The following ARMH3 variants were observed in gnomAD, a reference collection of about 807,000 sequenced individuals.
ARMH3 encodes armadillo like helical domain containing 3.
Under a neutral mutation model 99.1 loss-of-function variants are expected in ARMH3, and 60 were observed. The ratio of observed to expected loss-of-function variants is 0.61; its 90% CI spans 0.49 to 0.75. The LOEUF (loss-of-function observed/expected upper bound fraction) is 0.75, where lower values mean the gene tolerates loss of function less well. Among genes scored for constraint, ARMH3 ranks in the 30% least tolerant of loss-of-function variants. The probability of loss-of-function intolerance (pLI) is 0.00; values close to 1 mark genes in which losing one functional copy is unlikely to be tolerated. For missense variants in ARMH3, 679 were observed against 843.1 expected, an observed-to-expected ratio of 0.81 and a Z score of 2.41; for synonymous variants, 285 against 292.8, an observed-to-expected ratio of 0.97 and a Z score of 0.27.
rs555460219 is a variant in ARMH3, at chr10:101,941,872, T to G, written c.1706-1934A>C. On this transcript the variant is annotated intron_variant, in intron 22 of 25. Transcript: ENST00000370033. ...TATTATTATACCTCAATTGTGAAAT[T>G]TATTTAGATGCATTGGTTTTTCACC... 5.3e-5 allele frequency among the ~76,000 whole-genome samples: 8 copies of G among 152,330 alleles called. No individual in the cohort carries two copies. The South Asian group carries it at 1.7e-3, about 32-fold the overall frequency.
chr10:101,889,310 C>T lies in ARMH3; in HGVS notation c.1860+102G>A, dbSNP rs958476835. ...CCTCTCAGCAGCCTGGCCCTGGTCA[C>T]TACCACAAAAGCTCAGTCACAGAAT... On this transcript the variant is annotated intron_variant, in intron 24 of 25. Transcript: ENST00000370033. 13 of 1,186,050 alleles carry T rather than the reference C, an allele frequency of 1.1e-5. No homozygotes were observed. The Admixed American group carries it at 2.0e-4, about 18-fold the overall frequency. The allele number at this position is 1,186,050 out of a possible 1,614,324, so 73.5% of individuals were successfully genotyped here. A position where few individuals can be genotyped will look rare whatever the true frequency, so the allele number is the denominator to read the frequency against.
chr10:102,023,119 G>A (rs1022728649), intron 8 of ARMH3, among the ~76,000 whole-genome samples: 23 of 151,732 alleles, frequency 1.5e-4, no homozygotes, highest in Non-Finnish European at 1.9e-4. Context: ...GCCGGGAGGC[G>A]GAGGTTACAG....
chr10:101,942,910 A>T (rs1286907312), intron 22 of ARMH3, among the ~76,000 whole-genome samples: 1 of 152,096 alleles, frequency 6.6e-6, no homozygotes, highest in Non-Finnish European at 1.5e-5. Flanking sequence ...GCCAAGATGC[A>T]GTAACTTACC....
chr10:101,916,893 CA>C (rs1483303134), intron 23 of ARMH3, among the ~76,000 whole-genome samples: 2 of 152,176 alleles, frequency 1.3e-5, no homozygotes, highest in Admixed American at 6.5e-5. Flanking sequence ...CCTTAGACAT[CA>C]GACATCAGGA....
In ARMH3 at chr10:102,025,970, ATAACACTTG is replaced by A. The variant is rs939973871; in HGVS notation, c.415-731_415-723del. On this transcript the variant is annotated intron_variant, in intron 5 of 25. Transcript: ENST00000370033. ...AGTTTCGTTATTTGGTAAAGAAAGC[ATAACACTTG>A]ATTCAGGCACACTGAATAAATGAAA... Among the ~76,000 whole-genome samples, 52 of 152,324 alleles carry A rather than the reference ATAACACTTG, an allele frequency of 3.4e-4. 1 individual carries two copies. Among genetic ancestry groups the A allele is most frequent in the Admixed American group, 2.0e-3 (31 of 15,292 alleles).
chr10:101,899,337 C>T (rs918212085), intron 23 of ARMH3, among the ~76,000 whole-genome samples: 3 of 152,134 alleles, frequency 2.0e-5, no homozygotes, highest in Non-Finnish European at 4.4e-5. Context: ...ATTGCTTTTA[C>T]CTGGGAAACC....
chr10:101,993,642 A>G, intron 16 of ARMH3, 39 bp from the exon 17 acceptor site: 2 of 1,375,010 alleles, frequency 1.5e-6, no homozygotes, highest in Non-Finnish European at 2.0e-6. Flanking sequence ...AGCGAGAGCT[A>G]TATTTAAGAA....
chr10:102,029,219 A>G (rs987567095), intron 5 of ARMH3, among the ~76,000 whole-genome samples: 15 of 152,352 alleles, frequency 9.8e-5, no homozygotes, highest in African/African-American at 2.9e-4. Context: ...TATGAATTAT[A>G]AGGCTGTTAT....
intron 23 of ARMH3, among the ~76,000 whole-genome samples, chr10:101,908,901 G>A (rs1052504437): frequency 4.0e-5 from 6 of 151,808 alleles, no homozygotes; most frequent in Non-Finnish European, 8.8e-5. Context: ...GACCTCAGGC[G>A]ATCCACCCGC....
chr10:101,976,425 C>G (rs1384206658), intron 19 of ARMH3, among the ~76,000 whole-genome samples: 1 of 151,408 alleles, frequency 6.6e-6, no homozygotes, highest in Non-Finnish European at 1.5e-5. Context: ...CACACACACA[C>G]ACGCAATCAC....
At chr10:101,994,107 C>T (rs1023314012) in intron 16 of ARMH3, among the ~76,000 whole-genome samples, 11 of 152,236 alleles carry the variant, frequency 7.2e-5, no homozygotes, top group East Asian at 3.9e-4. Context: ...CTGTCTATTC[C>T]GGGCTTTCCT....
chr10:102,006,039 G>A (rs1196360559), intron 14 of ARMH3, among the ~76,000 whole-genome samples: 1 of 152,214 alleles, frequency 6.6e-6, no homozygotes, highest in Non-Finnish European at 1.5e-5. Context: ...AAACAAAATA[G>A]ACAAGATCCT....
At chr10:101,884,770 A>AACAAC (rs554417787) in intron 24 of ARMH3, among the ~76,000 whole-genome samples, 3 of 146,408 alleles carry the variant, frequency 2.0e-5, no homozygotes, top group Non-Finnish European at 4.6e-5. Context: ...CAACAACAAC[A>AACAAC]AAAACAAAAC....
intron 23 of ARMH3, among the ~76,000 whole-genome samples, chr10:101,914,215 G>A (rs570826678): frequency 9.9e-5 from 15 of 152,192 alleles, no homozygotes; most frequent in East Asian, 1.9e-4. Context: ...CGAGCTGGGC[G>A]TGGTGGCTCA....
intron 8 of ARMH3, among the ~76,000 whole-genome samples, chr10:102,022,471 G>A (rs796379362): frequency 2.5e-4 from 32 of 126,674 alleles, no homozygotes; most frequent in African/African-American, 8.1e-4. Context: ...CAGCCTGGGC[G>A]ACAGAGCGAG....
At chr10:101,890,175 T>C (rs1015776187) in intron 23 of ARMH3, among the ~76,000 whole-genome samples, 3 of 151,818 alleles carry the variant, frequency 2.0e-5, no homozygotes, top group African/African-American at 7.2e-5. Flanking sequence ...GGGTTTTACA[T>C]GAGTCCATAT....
At chr10:101,934,504 G>GA (rs1332951157) in intron 23 of ARMH3, among the ~76,000 whole-genome samples, 1 of 152,120 alleles carries the variant, frequency 6.6e-6, no homozygotes, top group African/African-American at 2.4e-5. Flanking sequence ...AAGAAATACT[G>GA]AATGTCAGCT....
At chr10:101,928,172 T>C (rs1357548938) in intron 23 of ARMH3, among the ~76,000 whole-genome samples, 3 of 152,226 alleles carry the variant, frequency 2.0e-5, no homozygotes, top group Non-Finnish European at 4.4e-5. Context: ...GGTCACCAGA[T>C]ACATACAAGA....
chr10:101,987,825 A>C (rs1179621074), intron 19 of ARMH3, among the ~76,000 whole-genome samples: 2 of 152,198 alleles, frequency 1.3e-5, no homozygotes, highest in Admixed American at 6.5e-5. Flanking sequence ...TTTGAGCCCC[A>C]GTAGAATCTC....
Sources: allele counts gnomAD v4.1 joint callset (sites outside exome capture counted in the v4.1 genomes callset), GRCh38; gene constraint gnomAD v4.1.1; transcripts MANE v1.5; gene names NCBI Gene and HGNC (gene_info 2026-07-23, HGNC 2026-07-21).